Variants in HDAC9 observed in about 807,000 individuals in gnomAD.
HDAC9 encodes the protein MEF-2 interacting transcription repressor (MITR) protein.
A neutral mutation model predicts 139.4 loss-of-function variants in HDAC9; 41 were observed. That is an observed-to-expected ratio of 0.29 (90% CI 0.23 to 0.38). The LOEUF is 0.38. Ranked by LOEUF, HDAC9 falls within the 10% of genes least tolerant of loss-of-function variation. The pLI, the probability that HDAC9 is intolerant of heterozygous loss-of-function variation, is 1.00. For synonymous variants in HDAC9, 517 were observed against 476.2 expected (o/e 1.09, Z -1.12); for missense variants, 1,147 against 1,297.0 (o/e 0.88, Z 1.78).
intron 1 of HDAC9, among the ~76,000 whole-genome samples, chr7:18,380,722 G>A (rs962225912): frequency 6.6e-6 from 1 of 152,152 alleles, no homozygotes; most frequent in Non-Finnish European, 1.5e-5. Flanking sequence ...ACATCAATAA[G>A]CTTCTCTTAG....
At chr7:18,200,446 T>C (rs1218437418) in intron 2 of HDAC9, among the ~76,000 whole-genome samples, 1 of 152,218 alleles carries the variant, frequency 6.6e-6, no homozygotes, top group Non-Finnish European at 1.5e-5. Context: ...AAGCTTCATG[T>C]TGACTTGTGG....
intron 2 of HDAC9, among the ~76,000 whole-genome samples, chr7:18,261,579 A>T (rs1370153763): frequency 1.3e-5 from 2 of 152,182 alleles, no homozygotes; most frequent in African/African-American, 4.8e-5. Context: ...TCCCACTCCA[A>T]AGTAAGGTTT....
intron 6 of HDAC9, among the ~76,000 whole-genome samples, chr7:18,601,915 G>T (rs1047061082): frequency 6.6e-6 from 1 of 152,066 alleles, no homozygotes; most frequent in Non-Finnish European, 1.5e-5. Context: ...AGAGATAATT[G>T]ATCAATGGCT....
At position 18,224,737 on chromosome 7, in the gene HDAC9, T is replaced by C. The variant is rs188155081; in HGVS notation, c.25+62388T>C. 7.2e-5 allele frequency among the ~76,000 whole-genome samples: 11 copies of C among 152,138 alleles called. No homozygotes were observed. The East Asian group carries it at 2.1e-3, about 29-fold the overall frequency. On this transcript the variant is annotated intron_variant, in intron 2 of 12. Coordinates refer to the HDAC9 transcript ENST00000417496. ...TGACCAAAGATTGTAGAATTCGAAG[T>C]TGAATGGAGAGTGTATAAGAAATTG...
intron 11 of HDAC9, among the ~76,000 whole-genome samples, chr7:18,665,777 T>C (rs73683132): frequency 0.017 from 2,568 of 152,260 alleles, 71 homozygotes; most frequent in African/African-American, 0.059. Context: ...CTGGCTTTCA[T>C]AGCGTTTAAC....
At chr7:18,680,098 C>T (rs1017699841) in intron 12 of HDAC9, among the ~76,000 whole-genome samples, 5 of 151,858 alleles carry the variant, frequency 3.3e-5, no homozygotes, top group East Asian at 1.9e-4. Context: ...ATGGGACCTA[C>T]GAACCCAGGG....
intron 2 of HDAC9, among the ~76,000 whole-genome samples, chr7:18,577,452 C>G (rs903181648): frequency 6.6e-6 from 1 of 152,102 alleles, no homozygotes; most frequent in African/African-American, 2.4e-5. Flanking sequence ...CTGAAATAAT[C>G]AGTGGTTTCT....
At chr7:18,109,625 A>T (rs1353788188) in intron 1 of HDAC9, among the ~76,000 whole-genome samples, 1 of 151,874 alleles carries the variant, frequency 6.6e-6, no homozygotes, top group Non-Finnish European at 1.5e-5. Flanking sequence ...ACTTTGTTTA[A>T]TGCTGTGTAT....
intron 2 of HDAC9, among the ~76,000 whole-genome samples, chr7:18,240,936 A>G (rs758159066): frequency 6.6e-6 from 1 of 152,116 alleles, no homozygotes; most frequent in Non-Finnish European, 1.5e-5. Context: ...CTCAGATGTC[A>G]CTGCATCATT....
intron 2 of HDAC9, among the ~76,000 whole-genome samples, chr7:18,170,703 T>A (rs897448238): frequency 6.6e-6 from 1 of 152,144 alleles, no homozygotes; most frequent in African/African-American, 2.4e-5. Context: ...TTAAACAGGG[T>A]ATCCTTTCCC....
At chr7:18,511,092 A>G (rs1037846348) in intron 2 of HDAC9, among the ~76,000 whole-genome samples, 5 of 152,176 alleles carry the variant, frequency 3.3e-5, no homozygotes, top group African/African-American at 1.2e-4. Flanking sequence ...CCTTTTAGTG[A>G]ATTTGCAAAG....
chr7:18,090,006 A>G (rs1341137681), intron 1 of HDAC9, among the ~76,000 whole-genome samples: 1 of 152,126 alleles, frequency 6.6e-6, no homozygotes. Context: ...CTTTCAATAG[A>G]CATCATACTT....
At chr7:18,708,053 G>A (rs934295502) in intron 12 of HDAC9, among the ~76,000 whole-genome samples, 3 of 152,162 alleles carry the variant, frequency 2.0e-5, no homozygotes, top group Non-Finnish European at 4.4e-5. Flanking sequence ...CACAGGTGGT[G>A]GGATTAGCCT....
At chr7:18,089,371 A>G (rs1782004389) in intron 1 of HDAC9, among the ~76,000 whole-genome samples, 1 of 152,196 alleles carries the variant, frequency 6.6e-6, no homozygotes, top group Non-Finnish European at 1.5e-5. Flanking sequence ...TGCAATTAAA[A>G]GGTAATTTTA....
rs954306933 is a variant in HDAC9, at chr7:18,997,914, G to A, written c.*1852G>A. On this transcript the variant is annotated 3_prime_UTR_variant, in exon 26 of 26. Transcript: ENST00000686413. Reference sequence around the variant, plus strand: ...TGAAATAGGAAATCTGAAATGGAATGTAACTTAGTATTAGGTAAAAATTGC... The same window carrying A: ...TGAAATAGGAAATCTGAAATGGAATATAACTTAGTATTAGGTAAAAATTGC... 4.6e-5 allele frequency: 7 copies of A among 152,134 alleles called. No individual in the cohort carries two copies. Among genetic ancestry groups the A allele is most frequent in the Non-Finnish European group, 8.8e-5 (6 of 67,986 alleles). 9.4% of individuals were successfully genotyped at this position (152,134 alleles called of 1,614,324 possible). A position where few individuals can be genotyped will look rare whatever the true frequency, so the allele number is the denominator to read the frequency against.
intron 21 of HDAC9, among the ~76,000 whole-genome samples, chr7:18,870,454 G>A (rs1798828135): frequency 6.6e-6 from 1 of 152,064 alleles, no homozygotes. Flanking sequence ...AACGCCATAG[G>A]ACTGCTTTGC....
chr7:18,126,145 C>G (rs527871557), intron 1 of HDAC9, among the ~76,000 whole-genome samples: 4 of 152,088 alleles, frequency 2.6e-5, no homozygotes, highest in Non-Finnish European at 4.4e-5. Context: ...GGTATTGATT[C>G]GCTTGTGTCC....
At chr7:18,583,002 C>A (rs1828296007) in intron 2 of HDAC9, among the ~76,000 whole-genome samples, 1 of 151,978 alleles carries the variant, frequency 6.6e-6, no homozygotes, top group Admixed American at 6.6e-5. Context: ...ATTTGCAATT[C>A]TTTACTAGTG....
At chr7:18,445,536 C>T (rs1406770387) in intron 1 of HDAC9, among the ~76,000 whole-genome samples, 1 of 152,106 alleles carries the variant, frequency 6.6e-6, no homozygotes, top group Non-Finnish European at 1.5e-5. Flanking sequence ...TTGCATCTTC[C>T]ATTGTTGAAA....
Sources: gnomAD v4.1 joint callset for allele counts (sites outside exome capture counted in the v4.1 genomes callset) on GRCh38, gnomAD v4.1.1 for gene constraint, MANE v1.5 for transcripts, NCBI Gene and HGNC (gene_info 2026-07-23, HGNC 2026-07-21) for gene names.